Variants in RELT observed in about 807,000 individuals in gnomAD.
RELT encodes the protein RELT TNF receptor.
Under a neutral mutation model 51.1 loss-of-function variants are expected in RELT, and 37 were observed. That is an observed-to-expected ratio of 0.72 (90% CI 0.56 to 0.95). RELT has a LOEUF of 0.95. Among genes scored for constraint, RELT ranks in the 40% least tolerant of loss-of-function variants. The pLI is 0.00. For missense variants in RELT, 535 were observed against 572.6 expected (o/e 0.93, Z 0.67); for synonymous variants, 241 against 235.7 (o/e 1.02, Z -0.21).
At chr11:73,393,962 G>A (rs781536151) in intron 7 of RELT, 45 bp downstream of exon 7, 1 of 1,565,542 alleles carries the variant, frequency 6.4e-7, no homozygotes, top group South Asian at 1.1e-5. Context: ...GGAGAGGAGG[G>A]TTTCCTCCAG....
chr11:73,393,559 C>T (rs540695153), intron 6 of RELT: 24 of 1,387,346 alleles, frequency 1.7e-5, no homozygotes, highest in Admixed American at 9.0e-5. Context: ...ACCGCCCCCT[C>T]GCCCGCCCAA....
At chr11:73,386,064 C>T (rs1397115344) in intron 1 of RELT, among the ~76,000 whole-genome samples, 1 of 152,228 alleles carries the variant, frequency 6.6e-6, no homozygotes, top group African/African-American at 2.4e-5. Context: ...AACTTCGCGA[C>T]AGCCATGCCA....
At position 73,386,782 on chromosome 11, in the gene RELT, T is replaced by C. The variant is rs905025823; in HGVS notation, c.-25-2330T>C. Among the ~76,000 whole-genome samples the C allele has an allele frequency of 2.0e-5, 3 of 152,224 alleles. 1 individual carries two copies. The South Asian group carries it at 6.2e-4, about 32-fold the overall frequency. Reference sequence around the variant, plus strand: ...CTGCTCCCTGTGGGCTCAGGTCACCTAGCAGGTGCCACCCAGGGTTGGGGT... The same window carrying C: ...CTGCTCCCTGTGGGCTCAGGTCACCCAGCAGGTGCCACCCAGGGTTGGGGT... On this transcript the variant is annotated intron_variant, in intron 1 of 10. Coordinates refer to ENST00000064780, the MANE Select transcript of RELT (RefSeq NM_152222.2).
intron 1 of RELT, among the ~76,000 whole-genome samples, chr11:73,387,388 C>G (rs1444767703): frequency 2.6e-5 from 4 of 152,190 alleles, no homozygotes; most frequent in South Asian, 4.2e-4. Flanking sequence ...GAGACAGGCT[C>G]GAGGTGGGAG....
At chr11:73,379,201 G>A (rs941706352) in intron 1 of RELT, among the ~76,000 whole-genome samples, 4 of 152,202 alleles carry the variant, frequency 2.6e-5, no homozygotes, top group African/African-American at 7.2e-5. Flanking sequence ...GGGCTGAGCC[G>A]GAGTTATTTC....
At chr11:73,380,035 G>T (rs774091804) in intron 1 of RELT, among the ~76,000 whole-genome samples, 4 of 152,276 alleles carry the variant, frequency 2.6e-5, no homozygotes, top group Admixed American at 2.0e-4. Context: ...AGCCCTCCTG[G>T]CCCGAAATTA....
Position 73,393,864 on chromosome 11 carries a change from A to G in RELT, c.653A>G (p.Asp218Gly), listed in dbSNP as rs753612339. 6.2e-7 allele frequency: 1 copy of G among 1,614,074 alleles called. No individual in the cohort carries two copies. Among genetic ancestry groups the G allele is most frequent in the South Asian group, 1.1e-5 (1 of 91,076 alleles). The change falls in exon 7 of 11, where the codon GAT (aspartate) becomes GGT (glycine). Residue 218 changes from aspartate (D) to glycine (G), a missense_variant. Asp to Gly is a moderately conservative substitution (Grantham distance 94). Transcript: ENST00000064780. ...ATCAACCCTGCCTACCGGACTGAGG[A>G]TGCCAATGAGGACACCATTGGGGTC... ...SGINPAYRTE[D>G]ANEDTIGVLV...
At chr11:73,386,278 A>G (rs969317805) in intron 1 of RELT, among the ~76,000 whole-genome samples, 1 of 152,194 alleles carries the variant, frequency 6.6e-6, no homozygotes, top group Non-Finnish European at 1.5e-5. Flanking sequence ...CTCCTCTGTC[A>G]GGCATCGGAG....
intron 1 of RELT, among the ~76,000 whole-genome samples, chr11:73,382,607 G>A (rs1380083190): frequency 6.6e-6 from 1 of 152,186 alleles, no homozygotes; most frequent in African/African-American, 2.4e-5. Flanking sequence ...GGGGTCGCCT[G>A]CCAGTTGCCC....
Position 73,396,695 on chromosome 11 carries a change from C to G in RELT, c.*1204C>G, listed in dbSNP as rs1866324242. ...CTTCCCAGCTTATCCGCCTGTTCCA[C>G]TTGTACCTGTCCAGCCCTGCCCTGT... On this transcript the variant is annotated 3_prime_UTR_variant, in exon 11 of 11. Transcript: ENST00000064780. 6.6e-6 allele frequency: 1 copy of G among 152,318 alleles called. No homozygotes were observed. Among genetic ancestry groups the G allele is most frequent in the African/African-American group, 2.4e-5 (1 of 41,462 alleles). The allele number at this position is 152,318 out of a possible 1,614,324, so 9.4% of individuals were successfully genotyped here.
chr11:73,391,951 C>T, intron 5 of RELT: 1 of 579,602 alleles, frequency 1.7e-6, no homozygotes, highest in South Asian at 2.0e-5. Context: ...CTCTTCACCC[C>T]CTGACCCCAG....
intron 1 of RELT, among the ~76,000 whole-genome samples, chr11:73,387,516 G>A (rs898442776): frequency 3.4e-4 from 52 of 152,218 alleles, no homozygotes; most frequent in African/African-American, 1.3e-3. Context: ...CCATCTGTTG[G>A]GTGTTGACTG....
chr11:73,379,681 G>T (rs1287713660), intron 1 of RELT, among the ~76,000 whole-genome samples: 2 of 152,148 alleles, frequency 1.3e-5, no homozygotes, highest in African/African-American at 2.4e-5. Context: ...CTGGAAGCAG[G>T]CCCAAGACAC....
Position 73,395,672 on chromosome 11 carries a change from C to T in RELT, c.*181C>T, listed in dbSNP as rs934311822. On this transcript the variant is annotated 3_prime_UTR_variant, in exon 11 of 11. Transcript: ENST00000064780. The stretch of plus-strand genomic sequence containing the variant: ...CCCCAGTGAGGAGGCAGGTGGCCGG[C>T]GGGCACTGTGTACAGGAGCAGGCTG... 25 of 634,232 alleles carry T rather than the reference C, an allele frequency of 3.9e-5. No homozygotes were observed. Among genetic ancestry groups the T allele is most frequent in the Non-Finnish European group, 5.7e-5 (20 of 349,900 alleles). The allele number at this position is 634,232 out of a possible 1,614,324, so 39.3% of individuals were successfully genotyped here.
chr11:73,391,482 T>C (rs937485826), intron 5 of RELT, among the ~76,000 whole-genome samples: 11 of 152,178 alleles, frequency 7.2e-5, no homozygotes, highest in Non-Finnish European at 1.5e-4. Context: ...ACTCACATAC[T>C]GACCTGTCCC....
chr11:73,395,640 G>A lies in RELT; in HGVS notation c.*149G>A, dbSNP rs1866307185. ...CAAAGACCAAGGCCTGGAGGTGGGA[G>A]CGTCTGCCCCAGTGAGGAGGCAGGT... On this transcript the variant is annotated 3_prime_UTR_variant, in exon 11 of 11. Transcript: ENST00000064780. The A allele has an allele frequency of 1.5e-6, 1 of 688,466 alleles. No individual in the cohort carries two copies. Among genetic ancestry groups the A allele is most frequent in the Non-Finnish European group, 2.7e-6 (1 of 374,562 alleles). 42.6% of individuals were successfully genotyped at this position (688,466 alleles called of 1,614,324 possible).
At chr11:73,393,212 C>T (rs1866247864) in intron 6 of RELT, 4 of 1,000,052 alleles carry the variant, frequency 4.0e-6, no homozygotes, top group Admixed American at 1.1e-4. Context: ...AGCAGTAAGC[C>T]GGCAGGAGGA....
At position 73,394,459 on chromosome 11, in the gene RELT, T is replaced by C. The variant is rs1590739360; in HGVS notation, c.789-18T>C. 4 of 1,609,504 alleles carry C rather than the reference T, an allele frequency of 2.5e-6. No homozygotes were observed. In the East Asian group the frequency reaches 8.9e-5, roughly 36 times the overall value. On this transcript the variant is annotated intron_variant, in intron 8 of 10. Transcript: ENST00000064780. This position sits in a 1 kb window ranked among gnomAD's most constrained non-coding sequence, Gnocchi z 4.9. ...CCCTGGCCTGGCCTATGGCCACTTC[T>C]GCCTGTGCCCCCTGCAGGCTGCCGC... is the stretch of plus-strand genomic sequence containing the variant.
In RELT at chr11:73,395,239, G is replaced by T. The variant is rs751763988; in HGVS notation, c.1199G>T (p.Gly400Val). 2 of 1,612,938 alleles carry T rather than the reference G, an allele frequency of 1.2e-6. No individual in the cohort carries two copies. Among genetic ancestry groups the T allele is most frequent in the South Asian group, 2.2e-5 (2 of 91,084 alleles). ...PEQQALLGSGGSRTKWLKPPA... is the reference protein window; with the variant it reads ...PEQQALLGSGVSRTKWLKPPA... ...CAGCAGGCCCTGCTAGGAAGTGGCG[G>T]AAGCCGTACAAAGTGGCTGAAGCCC... The change falls in exon 10 of 11, where the codon GGA (glycine) becomes GTA (valine). Residue 400 changes from glycine (G) to valine (V), a missense_variant. Coordinates refer to ENST00000064780, the MANE Select transcript of RELT (RefSeq NM_152222.2).
Sources: gnomAD v4.1 joint callset for allele counts (sites outside exome capture counted in the v4.1 genomes callset) on GRCh38, gnomAD v4.1.1 for gene constraint, Gnocchi (gnomAD v3.1) non-coding constraint, MANE v1.5 for transcripts, NCBI Gene and HGNC (gene_info 2026-07-23, HGNC 2026-07-21) for gene names.